RAB37: variants seen among roughly 807,000 people sequenced by gnomAD.
The protein encoded by RAB37 is ras-related protein Rab-37.
A neutral mutation model predicts 33.1 loss-of-function variants in RAB37; 29 were observed. The observed-to-expected ratio is 0.88, with a 90% CI of 0.65 to 1.20. RAB37 has a LOEUF of 1.20. RAB37 is among the 50% of genes most tolerant of loss of function. The probability of loss-of-function intolerance (pLI) is 0.00; values close to 1 mark genes in which losing one functional copy is unlikely to be tolerated. For synonymous variants in RAB37, 128 were observed against 119.5 expected (o/e 1.07, Z -0.47); for missense variants, 299 against 301.1 (o/e 0.99, Z 0.05).
intron 1 of RAB37, among the ~76,000 whole-genome samples, chr17:74,691,874 T>TA (rs1344925504): frequency 6.6e-6 from 1 of 151,712 alleles, no homozygotes; most frequent in Non-Finnish European, 1.5e-5. Flanking sequence ...CCATTTTTTT[T>TA]TTTTTTTTTG....
At chr17:74,707,108 A>G (rs1003550075) in intron 1 of RAB37, among the ~76,000 whole-genome samples, 14 of 152,242 alleles carry the variant, frequency 9.2e-5, no homozygotes, top group African/African-American at 2.9e-4. Flanking sequence ...CCAAAAGCAC[A>G]GGCAACAAAA....
At chr17:74,704,861 C>T in intron 1 of RAB37, 1 of 1,463,610 alleles carries the variant, frequency 6.8e-7, no homozygotes, top group Non-Finnish European at 9.4e-7. Context: ...ACCCCAAGGG[C>T]AGGGCCACAG....
intron 1 of RAB37, among the ~76,000 whole-genome samples, chr17:74,728,206 CTGTGTGTTTGCA>C (rs1199807599): frequency 5.3e-5 from 8 of 151,082 alleles, no homozygotes; most frequent in Admixed American, 1.3e-4. Flanking sequence ...ATGTGTGTTT[CTGTGTGTTTGCA>C]TGTGTGCTTG....
chr17:74,686,848 A>G (rs571661131), intron 1 of RAB37, among the ~76,000 whole-genome samples: 1 of 152,324 alleles, frequency 6.6e-6, no homozygotes, highest in African/African-American at 2.4e-5. Flanking sequence ...GGCTGTGTGA[A>G]GTTTGAAATA....
Position 74,742,413 on chromosome 17 carries a change from C to T in RAB37, c.246+118C>T, listed in dbSNP as rs1353566557. Reference sequence around the variant, plus strand: ...GCCTGGGGCAATTTCCTGTGGGGCCCACGGGAGGAAATGGCTTTTGTTTAT... The same window carrying T: ...GCCTGGGGCAATTTCCTGTGGGGCCTACGGGAGGAAATGGCTTTTGTTTAT... On this transcript the variant is annotated intron_variant, in intron 3 of 8. Transcript: ENST00000392613. The surrounding 1 kb of genome is among the most constrained non-coding windows in gnomAD (Gnocchi z 4.0). 2 of 748,474 alleles carry T rather than the reference C, an allele frequency of 2.7e-6. No individual in the cohort carries two copies. Among genetic ancestry groups the T allele is most frequent in the African/African-American group, 3.6e-5 (2 of 55,456 alleles). 46.4% of individuals were successfully genotyped at this position (748,474 alleles called of 1,614,324 possible). A position where few individuals can be genotyped will look rare whatever the true frequency, so the allele number is the denominator to read the frequency against.
chr17:74,722,015 G>C (rs189786257), intron 1 of RAB37, among the ~76,000 whole-genome samples: 2 of 152,150 alleles, frequency 1.3e-5, no homozygotes, highest in African/African-American at 4.8e-5. Flanking sequence ...AGATTTGTCA[G>C]CCAGGCACAG....
chr17:74,726,682 G>A (rs189953523), intron 1 of RAB37, among the ~76,000 whole-genome samples: 45 of 152,344 alleles, frequency 3.0e-4, no homozygotes, highest in African/African-American at 1.0e-3. Flanking sequence ...GACATCCAAA[G>A]TCAATGCCAT....
chr17:74,719,795 G>A (rs1452616547), intron 1 of RAB37, among the ~76,000 whole-genome samples: 3 of 152,148 alleles, frequency 2.0e-5, no homozygotes, highest in African/African-American at 7.2e-5. Flanking sequence ...GGAATTACAA[G>A]TGTGAGCCAC....
chr17:74,736,100 T>A (rs946094082), upstream of RAB37, among the ~76,000 whole-genome samples: 1 of 151,976 alleles, frequency 6.6e-6, no homozygotes, highest in Non-Finnish European at 1.5e-5. Flanking sequence ...TAATCCCAGC[T>A]ACTCCGGGAG....
In RAB37 at chr17:74,745,320, G is replaced by C. The variant is rs150021744; in HGVS notation, c.581G>C (p.Arg194Pro). 5.0e-6 allele frequency: 8 copies of C among 1,612,924 alleles called. No individual in the cohort carries two copies. The East Asian group carries it at 1.1e-4, about 22-fold the overall frequency. The change falls in exon 9 of 9, where the codon CGG becomes CCG. Residue 194 changes from arginine (R) to proline (P), a missense_variant. Coordinates refer to ENST00000392613, the MANE Select transcript of RAB37 (RefSeq NM_001006638.3). The surrounding 1 kb of genome is among the most constrained non-coding windows in gnomAD (Gnocchi z 4.5). ...TCTTCTTCAAGGGAACTGAAATACC[G>C]GGCCGGGCATCAGGCGGATGAGCCC... ...FLAIAKELKY[R>P]AGHQADEPSF...
intron 1 of RAB37, chr17:74,672,972 T>C (rs2031738669): frequency 6.6e-6 from 1 of 152,206 alleles, no homozygotes; most frequent in Non-Finnish European, 1.5e-5. Context: ...TCCCTCCAGG[T>C]CTCTGAATTC....
intron 1 of RAB37, among the ~76,000 whole-genome samples, chr17:74,686,707 A>G (rs577314034): frequency 6.6e-6 from 1 of 152,052 alleles, no homozygotes; most frequent in Non-Finnish European, 1.5e-5. Flanking sequence ...CTAGTATTTT[A>G]AGCTGACTTA....
chr17:74,725,201 C>T (rs556235225), intron 1 of RAB37, among the ~76,000 whole-genome samples: 2 of 152,158 alleles, frequency 1.3e-5, no homozygotes, highest in African/African-American at 4.8e-5. Context: ...CCCAGCCCCC[C>T]ACCCACAAGC....
In RAB37 at chr17:74,729,943, G is replaced by T. The variant is rs1056398521; in HGVS notation, c.183+577G>T. Among the ~76,000 whole-genome samples the T allele has an allele frequency of 6.6e-6, 1 of 152,218 alleles. No individual in the cohort carries two copies. The highest frequency in any genetic ancestry group is 1.9e-4 in the East Asian group (1 of 5,192). On this transcript the variant is annotated intron_variant, in intron 2 of 7. Coordinates refer to the RAB37 transcript ENST00000340415. The surrounding 1 kb of genome is among the most constrained non-coding windows in gnomAD (Gnocchi z 4.2). ...CACACGGGTCTCAGGGAGCTGGCAG[G>T]CCCAGGTTACAGTTCCGTGTTTAGT...
chr17:74,675,046 TAA>T (rs1026887973), intron 1 of RAB37, among the ~76,000 whole-genome samples: 4 of 152,340 alleles, frequency 2.6e-5, no homozygotes, highest in Admixed American at 2.6e-4. Context: ...TTCTTAGCTA[TAA>T]AATAGGAATG....
chr17:74,693,248 G>C (rs1419854872), intron 1 of RAB37, among the ~76,000 whole-genome samples: 2 of 152,196 alleles, frequency 1.3e-5, no homozygotes, highest in Admixed American at 1.3e-4. Flanking sequence ...CAAATGCCAA[G>C]GCCCTAAGAA....
At chr17:74,693,051 T>C (rs780163156) in intron 1 of RAB37, among the ~76,000 whole-genome samples, 3 of 152,120 alleles carry the variant, frequency 2.0e-5, no homozygotes, top group Non-Finnish European at 2.9e-5. Context: ...ATAAGTCATT[T>C]CACCAAAGGA....
At chr17:74,686,420 T>C (rs2032055926) in intron 1 of RAB37, among the ~76,000 whole-genome samples, 1 of 151,964 alleles carries the variant, frequency 6.6e-6, no homozygotes, top group South Asian at 2.1e-4. Context: ...AGATGGAGTC[T>C]CGCTCTGTTG....
intron 1 of RAB37, among the ~76,000 whole-genome samples, chr17:74,696,486 G>A (rs900245159): frequency 2.0e-5 from 3 of 152,146 alleles, no homozygotes; most frequent in East Asian, 1.9e-4. Flanking sequence ...TCAGCTGATC[G>A]GGTGGCCCTG....
Sources: gnomAD v4.1 joint callset for allele counts (sites outside exome capture counted in the v4.1 genomes callset) on GRCh38, gnomAD v4.1.1 for gene constraint, Gnocchi (gnomAD v3.1) non-coding constraint, MANE v1.5 for transcripts, NCBI Gene and HGNC (gene_info 2026-07-23, HGNC 2026-07-21) for gene names.